The following ALDH1A1 variants were observed in gnomAD, a reference collection of about 807,000 sequenced individuals.
ALDH1A1 encodes the protein aldehyde dehydrogenase 1 family member A1.
Under a neutral mutation model 62.1 loss-of-function variants are expected in ALDH1A1, and 19 were observed. The ratio of observed to expected loss-of-function variants is 0.31; its 90% CI spans 0.21 to 0.45. The LOEUF (loss-of-function observed/expected upper bound fraction) is 0.45. Ranked by LOEUF, ALDH1A1 falls within the 20% of genes least tolerant of loss-of-function variation. The probability of loss-of-function intolerance (pLI) is 1.00; values close to 1 mark genes in which losing one functional copy is unlikely to be tolerated. For missense variants in ALDH1A1, 521 were observed against 607.1 expected (o/e 0.86, Z 1.49); for synonymous variants, 231 against 215.9 (o/e 1.07, Z -0.61).
rs557107838 is a variant in ALDH1A1, at chr9:72,909,712, G to A, written c.1248C>T (p.Asp416=). The A allele has an allele frequency of 1.6e-5, 26 of 1,613,482 alleles. No individual in the cohort carries two copies. The highest frequency in any genetic ancestry group is 1.7e-4 in the Middle Eastern group (1 of 6,052). The change falls in exon 11 of 13, where the codon GAC becomes GAT. Residue 416 remains aspartate (D), a synonymous_variant. Coordinates refer to ENST00000297785, the MANE Select transcript of ALDH1A1 (RefSeq NM_000689.5). The part of the protein sequence containing the change: ...QQIMKFKSLD[D]VIKRANNTFY... ...AAGTATTGTTTGCTCTTTTGATCAC[G>A]TCATCTAAAGATTTAAACTTCATGA...
intron 11 of ALDH1A1, among the ~76,000 whole-genome samples, chr9:72,908,753 A>G (rs1210884281): frequency 6.6e-6 from 1 of 152,156 alleles, no homozygotes; most frequent in Non-Finnish European, 1.5e-5. Context: ...GACATAGTCT[A>G]GAGACTGACA....
At chr9:72,904,661 T>C (rs1474480901) in intron 12 of ALDH1A1, among the ~76,000 whole-genome samples, 1 of 152,156 alleles carries the variant, frequency 6.6e-6, no homozygotes, top group African/African-American at 2.4e-5. Context: ...CTTCCACTCT[T>C]ATCCACACTC....
chr9:72,938,890 C>G (rs1830379093), intron 2 of ALDH1A1, among the ~76,000 whole-genome samples: 1 of 151,054 alleles, frequency 6.6e-6, no homozygotes, highest in African/African-American at 2.4e-5. Flanking sequence ...TTACAGGAAC[C>G]CACCACCATG....
intron 1 of ALDH1A1, among the ~76,000 whole-genome samples, chr9:72,952,469 G>T (rs1830555318): frequency 6.6e-6 from 1 of 151,960 alleles, no homozygotes; most frequent in African/African-American, 2.4e-5. Context: ...TCAGACTTAA[G>T]TCCCCCTATT....
At chr9:72,914,918 A>G (rs1244120736) in intron 9 of ALDH1A1, among the ~76,000 whole-genome samples, 1 of 152,064 alleles carries the variant, frequency 6.6e-6, no homozygotes, top group Non-Finnish European at 1.5e-5. Flanking sequence ...AGTTCACTCA[A>G]CCACCCCTGG....
chr9:72,904,654 C>T (rs898443409), intron 12 of ALDH1A1, among the ~76,000 whole-genome samples: 2 of 152,060 alleles, frequency 1.3e-5, no homozygotes, highest in Admixed American at 6.6e-5. Flanking sequence ...TTTTCTTCTT[C>T]CACTCTTATC....
chr9:72,916,894 T>C (rs367969476), intron 9 of ALDH1A1, 26 bp downstream of exon 9: 140 of 1,532,240 alleles, frequency 9.1e-5, no homozygotes, highest in Non-Finnish European at 1.2e-4. Flanking sequence ...GCCCTGAAAA[T>C]GCTATCCTTT....
intron 3 of ALDH1A1, 41 bp downstream of exon 3, chr9:72,930,838 T>C: frequency 1.2e-6 from 2 of 1,612,408 alleles, no homozygotes. Flanking sequence ...CTGAATGCTT[T>C]TGAGAGCTCT....
chr9:72,929,101 A>T, intron 3 of ALDH1A1, 80 bp from the exon 4 acceptor site: 1 of 1,461,606 alleles, frequency 6.8e-7, no homozygotes, highest in South Asian at 1.3e-5. Flanking sequence ...TTCAGCAATC[A>T]TGTGCTAGGG....
chr9:72,902,096 T>C (rs1392126412), intron 12 of ALDH1A1, among the ~76,000 whole-genome samples: 1 of 152,048 alleles, frequency 6.6e-6, no homozygotes, highest in Non-Finnish European at 1.5e-5. Flanking sequence ...TTTTCTTGTA[T>C]AACTCTTAAG....
chr9:72,930,791 T>G, intron 3 of ALDH1A1, 88 bp downstream of exon 3: 1 of 1,521,064 alleles, frequency 6.6e-7, no homozygotes, highest in Non-Finnish European at 9.0e-7. Flanking sequence ...GAGCATATAG[T>G]GATCCCTAAA....
chr9:72,914,956 G>T (rs1830042147), intron 9 of ALDH1A1, among the ~76,000 whole-genome samples: 1 of 152,110 alleles, frequency 6.6e-6, no homozygotes, highest in Admixed American at 6.6e-5. Flanking sequence ...AGCTTAGTGA[G>T]TGAGTATCCC....
chr9:72,906,707 A>G (rs779017938), intron 11 of ALDH1A1, among the ~76,000 whole-genome samples: 3 of 152,246 alleles, frequency 2.0e-5, no homozygotes, highest in Non-Finnish European at 4.4e-5. Context: ...TTTGCAGACC[A>G]TAAACAATTT....
At chr9:72,931,074 T>G in intron 2 of ALDH1A1, 55 bp from the exon 3 acceptor site, 1 of 1,602,318 alleles carries the variant, frequency 6.2e-7, no homozygotes. Context: ...GCAAGCAAAT[T>G]TAATGCCAAT....
chr9:72,941,572 C>T (rs1257816388), intron 1 of ALDH1A1, among the ~76,000 whole-genome samples: 1 of 152,044 alleles, frequency 6.6e-6, no homozygotes, highest in Non-Finnish European at 1.5e-5. Flanking sequence ...TATGGTTTTC[C>T]AGTCTATCTT....
chr9:72,902,431 T>G (rs1271767751), intron 12 of ALDH1A1, among the ~76,000 whole-genome samples: 1 of 152,054 alleles, frequency 6.6e-6, no homozygotes, highest in Non-Finnish European at 1.5e-5. Context: ...CTGGGTAACC[T>G]AATACTCTTA....
intron 10 of ALDH1A1, among the ~76,000 whole-genome samples, chr9:72,911,713 C>T (rs1182678082): frequency 2.0e-5 from 3 of 152,150 alleles, no homozygotes; most frequent in East Asian, 1.9e-4. Flanking sequence ...GTGAAGGCAG[C>T]ACCTGAAAAT....
chr9:72,943,820 G>C (rs1830443569), intron 1 of ALDH1A1, among the ~76,000 whole-genome samples: 1 of 152,044 alleles, frequency 6.6e-6, no homozygotes, highest in African/African-American at 2.4e-5. Flanking sequence ...CATATCAAGA[G>C]CCGCCAGTAC....
intron 9 of ALDH1A1, among the ~76,000 whole-genome samples, chr9:72,914,818 AAAAC>A (rs1830040083): frequency 6.6e-6 from 1 of 152,008 alleles, no homozygotes; most frequent in African/African-American, 2.4e-5. Context: ...TTTTTCCCCT[AAAAC>A]AAATCGTTTT....
Sources: allele counts gnomAD v4.1 joint callset (sites outside exome capture counted in the v4.1 genomes callset), GRCh38; gene constraint gnomAD v4.1.1; transcripts MANE v1.5; gene names NCBI Gene and HGNC (gene_info 2026-07-23, HGNC 2026-07-21).